The following HCN2 variants were observed in gnomAD, a reference collection of about 807,000 sequenced individuals.
HCN2 encodes the protein hyperpolarization activated cyclic nucleotide gated potassium and sodium channel 2, also known as potassium/sodium hyperpolarization-activated cyclic nucleotide-gated channel 2.
HCN2 carries 20 observed loss-of-function variants against 52.3 expected under a neutral mutation model. The observed-to-expected ratio is 0.38, with a 90% CI of 0.27 to 0.56. The LOEUF is 0.56. Ranked by LOEUF, HCN2 falls within the 20% of genes least tolerant of loss-of-function variation. HCN2 has a pLI of 0.71. For missense variants in HCN2, 981 were observed against 1,207.7 expected (o/e 0.81, Z 2.78); for synonymous variants, 694 against 537.0 (o/e 1.29, Z -4.04).
chr19:603,499 C>T, intron 1 of HCN2, 45 bp from the exon 2 acceptor site: 1 of 1,510,428 alleles, frequency 6.6e-7, no homozygotes, highest in Non-Finnish European at 9.0e-7. Flanking sequence ...CCCGCAGGTG[C>T]CCCGGGGAGG....
chr19:610,411 G>A lies in HCN2; in HGVS notation c.1584+6G>A, dbSNP rs766442403. 2.2e-5 allele frequency: 36 copies of A among 1,611,892 alleles called. No individual in the cohort carries two copies. The highest frequency in any genetic ancestry group is 2.5e-5 in the Non-Finnish European group (30 of 1,178,964). ...TCAACGGGCCCCTGCGGGAGGTGAG[G>A]CGGGCGCCGGGCGGGCGGGAGGCAG... On this transcript the variant is annotated splice_donor_region_variant and intron_variant, in intron 5 of 7. Transcript: ENST00000251287.
chr19:591,718 C>T lies in HCN2; in HGVS notation c.632+1141C>T, dbSNP rs1234828730. Among the ~76,000 whole-genome samples the T allele has an allele frequency of 6.6e-6, 1 of 152,098 alleles. No individual in the cohort carries two copies. Among genetic ancestry groups the T allele is most frequent in the Non-Finnish European group, 1.5e-5 (1 of 67,996 alleles). On this transcript the variant is annotated intron_variant, in intron 1 of 7. Transcript: ENST00000251287. This position sits in a 1 kb window ranked among gnomAD's most constrained non-coding sequence, Gnocchi z 4.1. ...GGACCTGGGAAGCCTGCGGTTTTCCCGCCTGTCTCTCCTCCTCCAGGCCTG... is the reference window on the plus strand; with the variant it reads ...GGACCTGGGAAGCCTGCGGTTTTCCTGCCTGTCTCTCCTCCTCCAGGCCTG...
At chr19:605,322 C>G (rs1231481187) in intron 3 of HCN2, 100 bp downstream of exon 3, 4 of 1,081,720 alleles carry the variant, frequency 3.7e-6, no homozygotes, top group African/African-American at 3.1e-5. Flanking sequence ...GAACCCAAGC[C>G]TTTCAGAGGT....
chr19:613,913 C>T lies in HCN2; in HGVS notation c.1887C>T (p.Arg629=), dbSNP rs146057728. ...GCGTGCGGGCTGACACCTACTGCCG[C>T]CTCTATTCGCTGAGCGTGGACAACT... is the stretch of plus-strand genomic sequence containing the variant. ...TASVRADTYC[R]LYSLSVDNFN... Residue 629 remains arginine (R), a synonymous_variant, in exon 7 of 8, where the codon CGC becomes CGT. Coordinates refer to ENST00000251287, the MANE Select transcript of HCN2 (RefSeq NM_001194.4). 1.6e-5 allele frequency: 26 copies of T among 1,598,302 alleles called. No homozygotes were observed. The African/African-American group carries it at 2.9e-4, about 18-fold the overall frequency.
rs1983486264 is a variant in HCN2 at position 608,164 on chromosome 19, G to A, written c.1419G>A (p.Arg473=). The change falls in exon 4 of 8, where the codon CGG becomes CGA. Residue 473 remains arginine (R), a synonymous_variant. Transcript: ENST00000251287. ...TALIQSLDSS[R]RQYQEKYKQV... is the part of the protein sequence containing the mutation. The stretch of plus-strand genomic sequence containing the variant: ...TCATCCAGTCGCTGGACTCCTCGCG[G>A]CGCCAGTACCAGGAGAAGGTCTGAG... The A allele has an allele frequency of 3.7e-6, 6 of 1,612,904 alleles. No homozygotes were observed. The Admixed American group carries it at 8.3e-5, about 22-fold the overall frequency.
chr19:612,846 T>C (rs530223294), intron 5 of HCN2, among the ~76,000 whole-genome samples: 3 of 99,152 alleles, frequency 3.0e-5, no homozygotes, highest in Admixed American at 2.5e-4. Flanking sequence ...GCCTGGCTGT[T>C]TTTTTTTTTT....
At chr19:609,031 G>A (rs1177795593) in intron 4 of HCN2, among the ~76,000 whole-genome samples, 2 of 152,196 alleles carry the variant, frequency 1.3e-5, no homozygotes, top group Admixed American at 1.3e-4. Context: ...TTAGGCGGCT[G>A]GCTGGTCCTG....
At chr19:604,639 C>CGGGGTCAGACATCCG (rs1983342957) in intron 2 of HCN2, among the ~76,000 whole-genome samples, 1 of 92,462 alleles carries the variant, frequency 1.1e-5, no homozygotes, top group Non-Finnish European at 2.1e-5. Context: ...GGTCAGGCAG[C>CGGGGTCAGACATCCG]AAGGGCGGGA....
rs1246508898 is a variant in HCN2 at position 616,619 on chromosome 19, A to G, written c.*145A>G. On this transcript the variant is annotated 3_prime_UTR_variant, in exon 8 of 8. Transcript: ENST00000251287. ...GGTAGCCGTAGTTGGACGGACGGGC[A>G]GGGCCGGCGGGGCAGCCCCCTCCGC... 2.4e-6 allele frequency: 1 copy of G among 408,222 alleles called. No individual in the cohort carries two copies. Among genetic ancestry groups the G allele is most frequent in the Non-Finnish European group, 3.7e-6 (1 of 273,666 alleles). 25.3% of individuals were successfully genotyped at this position (408,222 alleles called of 1,614,324 possible).
Position 616,256 on chromosome 19 carries a change from C to T in HCN2, c.2452C>T (p.Arg818Cys). 2 of 1,022,046 alleles carry T rather than the reference C, an allele frequency of 2.0e-6. No individual in the cohort carries two copies. Among genetic ancestry groups the T allele is most frequent in the Non-Finnish European group, 2.3e-6 (2 of 857,216 alleles). The allele number at this position is 1,022,046 out of a possible 1,614,324, so 63.3% of individuals were successfully genotyped here. Reference sequence around the variant, plus strand: ...CGCGCGCCGCCTGAGCCGCGCGTCGCGCCCACTGTCCGCCTCGCAGCCCTC... The same window carrying T: ...CGCGCGCCGCCTGAGCCGCGCGTCGTGCCCACTGTCCGCCTCGCAGCCCTC... Reference protein sequence around the residue: ...LPARRLSRASRPLSASQPSLP... With the variant: ...LPARRLSRASCPLSASQPSLP... Residue 818 changes from arginine (R) to cysteine (C), a missense_variant, in exon 8 of 8, where the codon CGC becomes TGC. Transcript: ENST00000251287.
rs1262524303 is a variant in HCN2 at position 608,051 on chromosome 19, G to A, written c.1306G>A (p.Glu436Lys). 4.3e-6 allele frequency: 7 copies of A among 1,613,012 alleles called. No individual in the cohort carries two copies. The highest frequency in any genetic ancestry group is 5.1e-6 in the Non-Finnish European group (6 of 1,180,030). The change falls in exon 4 of 8, where the codon GAG (glutamate) becomes AAG (lysine). Residue 436 changes from glutamate to lysine, a missense_variant. Glu to Lys is a moderately conservative substitution (Grantham distance 56). Coordinates refer to ENST00000251287, the MANE Select transcript of HCN2 (RefSeq NM_001194.4). ...LCIGYGRQAPESMTDIWLTML... is the reference protein window; with the variant it reads ...LCIGYGRQAPKSMTDIWLTML... ...CATCGGGTACGGCCGGCAGGCGCCC[G>A]AGAGCATGACGGACATCTGGCTGAC...
intron 7 of HCN2, among the ~76,000 whole-genome samples, chr19:615,237 C>G (rs1405286173): frequency 6.7e-6 from 1 of 149,646 alleles, no homozygotes; most frequent in African/African-American, 2.4e-5. Flanking sequence ...CTGCCAGGCG[C>G]GGTGGCTCAC....
intron 7 of HCN2, among the ~76,000 whole-genome samples, chr19:615,405 T>C (rs1347747974): frequency 6.6e-6 from 1 of 151,894 alleles, no homozygotes; most frequent in African/African-American, 2.4e-5. Flanking sequence ...TCCCAGCTAC[T>C]CGGGAGGATG....
intron 5 of HCN2, among the ~76,000 whole-genome samples, chr19:611,058 G>A (rs1381450372): frequency 6.6e-6 from 1 of 152,166 alleles, no homozygotes; most frequent in Non-Finnish European, 1.5e-5. Context: ...GTCTCTTCTT[G>A]TAAATTCATC....
intron 1 of HCN2, among the ~76,000 whole-genome samples, chr19:600,232 G>A (rs1447623546): frequency 6.6e-6 from 1 of 152,108 alleles, no homozygotes; most frequent in African/African-American, 2.4e-5. Context: ...GAATGCAGTG[G>A]CACGATCTCG....
intron 5 of HCN2, among the ~76,000 whole-genome samples, chr19:610,694 C>T (rs1014947052): frequency 1.6e-4 from 24 of 152,284 alleles, no homozygotes; most frequent in Admixed American, 5.2e-4. Flanking sequence ...AGGGAGGAGC[C>T]GCAGAGGCCC....
Position 591,514 on chromosome 19 carries a change from A to C in HCN2, c.632+937A>C, listed in dbSNP as rs1478784510. Among the ~76,000 whole-genome samples, 4 of 151,900 alleles carry C rather than the reference A, an allele frequency of 2.6e-5. No individual in the cohort carries two copies. Among genetic ancestry groups the C allele is most frequent in the African/African-American group, 9.7e-5 (4 of 41,332 alleles). ...GTGTGCACCGGTGGGCAGTAGTGTGAGCCGCAGGCAGGTCTCACACACGCG... is the reference window on the plus strand; with the variant it reads ...GTGTGCACCGGTGGGCAGTAGTGTGCGCCGCAGGCAGGTCTCACACACGCG... On this transcript the variant is annotated intron_variant, in intron 1 of 7. Transcript: ENST00000251287. The surrounding 1 kb of genome is among the most constrained non-coding windows in gnomAD (Gnocchi z 4.1).
rs529839402 is a variant in HCN2, at chr19:616,683, C to T, written c.*209C>T. ...CCCCCTCATCGCCCCGCGCCCACCC[C>T]CATCGCCCCTGCCCCCGGCGGCGGC... On this transcript the variant is annotated 3_prime_UTR_variant, in exon 8 of 8. Coordinates refer to ENST00000251287, the MANE Select transcript of HCN2 (RefSeq NM_001194.4). 56 of 239,280 alleles carry T rather than the reference C, an allele frequency of 2.3e-4. No individual in the cohort carries two copies. Among genetic ancestry groups the T allele is most frequent in the African/African-American group, 1.1e-3 (48 of 43,258 alleles). The allele number at this position is 239,280 out of a possible 1,614,324, so 14.8% of individuals were successfully genotyped here.
Position 592,471 on chromosome 19 carries a change from G to A in HCN2, c.632+1894G>A, listed in dbSNP as rs555464534. ...CCCTCCTTGGGCGTGGTCGCCTGGA[G>A]GCCTGGGCAGGCTGTGGCCCCGCTC... On this transcript the variant is annotated intron_variant, in intron 1 of 7. Coordinates refer to ENST00000251287, the MANE Select transcript of HCN2 (RefSeq NM_001194.4). The surrounding 1 kb of genome is among the most constrained non-coding windows in gnomAD (Gnocchi z 4.8). Among the ~76,000 whole-genome samples the A allele has an allele frequency of 6.6e-6, 1 of 152,286 alleles. No homozygotes were observed. The highest frequency in any genetic ancestry group is 2.1e-4 in the South Asian group (1 of 4,830).
Sources: allele counts gnomAD v4.1 joint callset (sites outside exome capture counted in the v4.1 genomes callset), GRCh38; gene constraint gnomAD v4.1.1; non-coding constraint Gnocchi (gnomAD v3.1); transcripts MANE v1.5; gene names NCBI Gene and HGNC (gene_info 2026-07-23, HGNC 2026-07-21).